Variants in KIAA0825 observed in about 807,000 individuals in gnomAD.
The protein encoded by KIAA0825 is uncharacterized protein KIAA0825.
In KIAA0825, 119 loss-of-function variants were observed where a neutral mutation model predicts 147.6. The ratio of observed to expected loss-of-function variants is 0.81; its 90% CI spans 0.69 to 0.94. KIAA0825 has a LOEUF of 0.94. Ranked by LOEUF, KIAA0825 falls within the 40% of genes least tolerant of loss-of-function variation. KIAA0825 has a pLI of 0.00. For synonymous variants in KIAA0825, 470 were observed against 518.1 expected, an observed-to-expected ratio of 0.91 and a Z score of 1.26; for missense variants, 1,381 against 1,472.7, an observed-to-expected ratio of 0.94 and a Z score of 1.02.
intron 1 of KIAA0825, among the ~76,000 whole-genome samples, chr5:94,613,899 C>A (rs2047318): frequency 0.23 from 34,246 of 152,168 alleles, 3,981 homozygotes; most frequent in East Asian, 0.34. Context: ...CACCAAGTTT[C>A]AATTAAAAAT....
chr5:94,524,192 C>A, intron 3 of KIAA0825, 94 bp from the exon 4 acceptor site: 1 of 656,028 alleles, frequency 1.5e-6, no homozygotes, highest in Non-Finnish European at 2.4e-6. Flanking sequence ...ATATGTGGTA[C>A]CTGGCTTTGT....
At chr5:94,370,870 A>T (rs1023390024) in intron 20 of KIAA0825, among the ~76,000 whole-genome samples, 1 of 152,146 alleles carries the variant, frequency 6.6e-6, no homozygotes, top group Non-Finnish European at 1.5e-5. Flanking sequence ...AGATCATGCC[A>T]CTGCACTCCA....
At chr5:94,412,045 G>C (rs4361499) in intron 15 of KIAA0825, among the ~76,000 whole-genome samples, 6,263 of 152,026 alleles carry the variant, frequency 0.041, 301 homozygotes, top group Admixed American at 0.13. Context: ...CATAGACAGG[G>C]AGGAAATTTT....
intron 1 of KIAA0825, among the ~76,000 whole-genome samples, chr5:94,611,253 CAT>C (rs772776927): frequency 9.2e-5 from 14 of 152,284 alleles, no homozygotes; most frequent in African/African-American, 2.4e-4. Flanking sequence ...GTTCAAGTCA[CAT>C]GTTTCCTGAG....
At chr5:94,505,361 TAA>T (rs530402018) in intron 5 of KIAA0825, among the ~76,000 whole-genome samples, 35 of 135,994 alleles carry the variant, frequency 2.6e-4, no homozygotes, top group African/African-American at 1.6e-4. Context: ...ACTCTGTCTT[TAA>T]AAAAAAAAAA....
At chr5:94,418,862 A>G (rs1378148912) in intron 14 of KIAA0825, among the ~76,000 whole-genome samples, 3 of 151,744 alleles carry the variant, frequency 2.0e-5, no homozygotes, top group Non-Finnish European at 4.4e-5. Flanking sequence ...TGAGCTGACA[A>G]ATTCAGCCCT....
At chr5:94,524,614 T>C (rs749321346) in intron 3 of KIAA0825, among the ~76,000 whole-genome samples, 3 of 151,694 alleles carry the variant, frequency 2.0e-5, no homozygotes, top group Non-Finnish European at 3.0e-5. Context: ...AAATACCTTT[T>C]CCTGCCATCC....
At chr5:94,423,172 G>A (rs1034663977) in intron 14 of KIAA0825, among the ~76,000 whole-genome samples, 2 of 152,132 alleles carry the variant, frequency 1.3e-5, no homozygotes, top group Admixed American at 1.3e-4. Context: ...GTGATTAAGT[G>A]GGGAGCTGGG....
At position 94,521,716 on chromosome 5, in the gene KIAA0825, C is replaced by G. The variant is rs571596420; in HGVS notation, c.301-799G>C. Among the ~76,000 whole-genome samples the G allele has an allele frequency of 4.3e-4, 66 of 151,736 alleles. No homozygotes were observed. The South Asian group carries it at 0.014, about 31-fold the overall frequency. ...TGAATAGAAAGGGACAAAAAATTTA[C>G]TTTTTTCTTGGGCTTTGAATTAGAC... On this transcript the variant is annotated intron_variant, in intron 4 of 20. Transcript: ENST00000682413.
At chr5:94,212,212 G>A (rs943632238) in intron 20 of KIAA0825, among the ~76,000 whole-genome samples, 1 of 152,148 alleles carries the variant, frequency 6.6e-6, no homozygotes, top group African/African-American at 2.4e-5. Context: ...AAGTAATCTT[G>A]TGTTTCTCAA....
At chr5:94,504,375 G>C (rs947167628) in intron 5 of KIAA0825, among the ~76,000 whole-genome samples, 3 of 152,106 alleles carry the variant, frequency 2.0e-5, no homozygotes, top group Non-Finnish European at 4.4e-5. Flanking sequence ...CATGATAGTT[G>C]CTTAGTGGGC....
intron 20 of KIAA0825, among the ~76,000 whole-genome samples, chr5:94,227,077 G>A (rs1180655122): frequency 6.6e-6 from 1 of 152,118 alleles, no homozygotes; most frequent in East Asian, 1.9e-4. Context: ...AAATCATGCT[G>A]CTATAAAGAC....
At chr5:94,440,766 AATCAGGTCTCTCAC>A (rs1413509526) in intron 13 of KIAA0825, among the ~76,000 whole-genome samples, 1 of 152,024 alleles carries the variant, frequency 6.6e-6, no homozygotes, top group Non-Finnish European at 1.5e-5. Context: ...AGAAAATAGA[AATCAGGTCTCTCAC>A]ATCACCACTT....
At chr5:94,224,433 T>C (rs189769551) in intron 20 of KIAA0825, among the ~76,000 whole-genome samples, 2 of 152,158 alleles carry the variant, frequency 1.3e-5, no homozygotes, top group African/African-American at 4.8e-5. Context: ...TAAAAAAAGA[T>C]ACAAATAAAA....
chr5:94,371,182 A>T (rs982835770), intron 20 of KIAA0825, among the ~76,000 whole-genome samples: 1 of 152,170 alleles, frequency 6.6e-6, no homozygotes, highest in African/African-American at 2.4e-5. Context: ...ATCCTGATTT[A>T]AAAAATTTTA....
At chr5:94,596,363 T>G (rs902225568) in intron 1 of KIAA0825, among the ~76,000 whole-genome samples, 3 of 152,228 alleles carry the variant, frequency 2.0e-5, no homozygotes, top group African/African-American at 7.2e-5. Flanking sequence ...CTTGTTCTTG[T>G]CAACTTTGAC....
intron 20 of KIAA0825, among the ~76,000 whole-genome samples, chr5:94,286,062 T>C (rs553534624): frequency 4.6e-5 from 7 of 152,286 alleles, no homozygotes; most frequent in African/African-American, 1.7e-4. Context: ...CCTAATGCAC[T>C]GAAAGCAAAA....
chr5:94,177,129 A>T (rs1433829758), intron 20 of KIAA0825, among the ~76,000 whole-genome samples: 1 of 152,158 alleles, frequency 6.6e-6, no homozygotes, highest in African/African-American at 2.4e-5. Context: ...ATATTAGGTC[A>T]ACTTTAACCA....
chr5:94,236,995 T>C (rs1775077095), intron 20 of KIAA0825, among the ~76,000 whole-genome samples: 1 of 152,050 alleles, frequency 6.6e-6, no homozygotes, highest in South Asian at 2.1e-4. Flanking sequence ...ATTGTGGTGC[T>C]CTGGGACCAA....
Sources: gnomAD v4.1 joint callset for allele counts (sites outside exome capture counted in the v4.1 genomes callset) on GRCh38, gnomAD v4.1.1 for gene constraint, MANE v1.5 for transcripts, NCBI Gene and HGNC (gene_info 2026-07-23, HGNC 2026-07-21) for gene names.